Variants in SLC19A3 observed in about 807,000 individuals in gnomAD.
SLC19A3 encodes the protein solute carrier family 19 member 3, also known as thiamine transporter 2.
In SLC19A3, 31 loss-of-function variants were observed where a neutral mutation model predicts 40.2. The ratio of observed to expected loss-of-function variants is 0.77; its 90% CI spans 0.58 to 1.04. The LOEUF (loss-of-function observed/expected upper bound fraction) is 1.04. Ranked by LOEUF, SLC19A3 falls within the 50% of genes least tolerant of loss-of-function variation. The pLI, the probability that SLC19A3 is intolerant of heterozygous loss-of-function variation, is 0.00. For missense variants in SLC19A3, 592 were observed against 596.7 expected, an observed-to-expected ratio of 0.99 and a Z score of 0.08; for synonymous variants, 212 against 227.5, an observed-to-expected ratio of 0.93 and a Z score of 0.61.
chr2:227,714,539 G>C, intron 1 of SLC19A3: 1 of 984,890 alleles, frequency 1.0e-6, no homozygotes, highest in Non-Finnish European at 1.2e-6. Flanking sequence ...CCTGCTGCCC[G>C]CCACTATGAA....
intron 1 of SLC19A3, among the ~76,000 whole-genome samples, chr2:227,708,860 T>C (rs766290651): frequency 6.6e-6 from 1 of 152,158 alleles, no homozygotes; most frequent in Non-Finnish European, 1.5e-5. Context: ...GAGTTACAAA[T>C]GAAGATTGGA....
At chr2:227,692,845 G>T (rs1695285800) in intron 4 of SLC19A3, among the ~76,000 whole-genome samples, 1 of 152,088 alleles carries the variant, frequency 6.6e-6, no homozygotes, top group African/African-American at 2.4e-5. Context: ...TGATAAATAA[G>T]TTCAGTATAT....
intron 4 of SLC19A3, among the ~76,000 whole-genome samples, chr2:227,694,694 C>A (rs527915095): frequency 1.3e-5 from 2 of 152,200 alleles, no homozygotes; most frequent in South Asian, 4.1e-4. Context: ...TTAAAGAGAT[C>A]TCTGAGAAAA....
Position 227,703,733 on chromosome 2 carries a change from G to A in SLC19A3, c.-2-1413C>T, listed in dbSNP as rs1695806742. Reference sequence around the variant, plus strand: ...CTGGACAGGTGATCACTGAGGCTTGGTCATCTTCTGAAGAGTGGTCTTGCT... The same window carrying A: ...CTGGACAGGTGATCACTGAGGCTTGATCATCTTCTGAAGAGTGGTCTTGCT... On this transcript the variant is annotated intron_variant, in intron 1 of 5. Coordinates refer to ENST00000644224, the MANE Select transcript of SLC19A3 (RefSeq NM_025243.4). This position sits in a 1 kb window ranked among gnomAD's most constrained non-coding sequence, Gnocchi z 4.7. Among the ~76,000 whole-genome samples the A allele has an allele frequency of 6.6e-6, 1 of 152,082 alleles. No individual in the cohort carries two copies. Among genetic ancestry groups the A allele is most frequent in the Non-Finnish European group, 1.5e-5 (1 of 68,032 alleles).
intron 1 of SLC19A3, among the ~76,000 whole-genome samples, chr2:227,716,088 G>A (rs35231325): frequency 0.35 from 52,461 of 151,794 alleles, 10,062 homozygotes; most frequent in Middle Eastern, 0.5. Flanking sequence ...GGTGTTGTAG[G>A]GAAAAAACTG....
chr2:227,686,583 T>C lies in SLC19A3; in HGVS notation c.*814A>G, dbSNP rs1303367689. On this transcript the variant is annotated 3_prime_UTR_variant, in exon 6 of 6. Transcript: ENST00000644224. ...AAACTCCCACCTTGGCCTCCCAAAT[T>C]GCTCGGATTACAGGAGTGAGCCACT... is the stretch of plus-strand genomic sequence containing the variant. 6.6e-6 allele frequency: 1 copy of C among 152,576 alleles called. No individual in the cohort carries two copies. Among genetic ancestry groups the C allele is most frequent in the Non-Finnish European group, 1.5e-5 (1 of 68,356 alleles). 9.5% of individuals were successfully genotyped at this position (152,576 alleles called of 1,614,324 possible).
chr2:227,693,830 G>A (rs927887868), intron 4 of SLC19A3, among the ~76,000 whole-genome samples: 4 of 151,954 alleles, frequency 2.6e-5, no homozygotes, highest in Non-Finnish European at 2.9e-5. Flanking sequence ...CATGTGACAA[G>A]GGATTAAAAA....
chr2:227,715,524 C>T (rs1223555281), intron 1 of SLC19A3, among the ~76,000 whole-genome samples: 3 of 152,178 alleles, frequency 2.0e-5, no homozygotes, highest in Non-Finnish European at 4.4e-5. Flanking sequence ...CCGCACCCAG[C>T]CCAAGTGATC....
At chr2:227,709,852 A>G (rs1696079483) in intron 1 of SLC19A3, among the ~76,000 whole-genome samples, 1 of 152,126 alleles carries the variant, frequency 6.6e-6, no homozygotes, top group South Asian at 2.1e-4. Flanking sequence ...AGTAATTTGG[A>G]AGGAAATTAT....
At chr2:227,713,008 C>G (rs1198205577) in intron 1 of SLC19A3, among the ~76,000 whole-genome samples, 1 of 152,092 alleles carries the variant, frequency 6.6e-6, no homozygotes, top group East Asian at 1.9e-4. Flanking sequence ...AAACATTTGT[C>G]CAAACTCATG....
intron 5 of SLC19A3, 97 bp downstream of exon 5, chr2:227,688,069 G>A: frequency 7.5e-7 from 1 of 1,331,742 alleles, no homozygotes; most frequent in African/African-American, 1.4e-5. Context: ...TTTTTTAATT[G>A]CTTAACCAAG....
At chr2:227,687,613 C>T in intron 5 of SLC19A3, 40 bp from the exon 6 acceptor site, 1 of 1,594,890 alleles carries the variant, frequency 6.3e-7, no homozygotes. Context: ...TAAAATATGA[C>T]CATCTATGTC....
chr2:227,707,211 C>T (rs1330662463), intron 1 of SLC19A3, among the ~76,000 whole-genome samples: 2 of 152,200 alleles, frequency 1.3e-5, no homozygotes, highest in African/African-American at 4.8e-5. Flanking sequence ...TTTGAATGAG[C>T]CAACACCTTT....
chr2:227,715,320 C>A (rs970355730), intron 1 of SLC19A3, among the ~76,000 whole-genome samples: 3 of 152,094 alleles, frequency 2.0e-5, no homozygotes, highest in African/African-American at 4.8e-5. Flanking sequence ...AAACTAGACC[C>A]AGATATTCAG....
chr2:227,711,417 C>A (rs1333151592), intron 1 of SLC19A3, among the ~76,000 whole-genome samples: 1 of 76,562 alleles, frequency 1.3e-5, no homozygotes, highest in Non-Finnish European at 2.8e-5. Context: ...GAGACTCTGT[C>A]TCAAAAAAAT....
chr2:227,707,333 C>T (rs1312238942), intron 1 of SLC19A3, among the ~76,000 whole-genome samples: 2 of 152,184 alleles, frequency 1.3e-5, no homozygotes, highest in Non-Finnish European at 2.9e-5. Flanking sequence ...GCCTGTAATA[C>T]TACCACTGTG....
At chr2:227,698,489 CG>C (rs1165840685) in intron 3 of SLC19A3, among the ~76,000 whole-genome samples, 1 of 151,822 alleles carries the variant, frequency 6.6e-6, no homozygotes, top group Admixed American at 6.6e-5. Flanking sequence ...TTAGTAGAGA[CG>C]GGGTTTCACT....
At chr2:227,706,356 G>A in intron 1 of SLC19A3, 1 of 1,231,610 alleles carries the variant, frequency 8.1e-7, no homozygotes, top group Non-Finnish European at 1.0e-6. Context: ...CATTTTCTGT[G>A]TGTTCCAAAT....
At chr2:227,691,366 C>T (rs116376216) in intron 4 of SLC19A3, among the ~76,000 whole-genome samples, 4,480 of 152,100 alleles carry the variant, frequency 0.029, 232 homozygotes, top group African/African-American at 0.1. Context: ...CAGCACTCTG[C>T]GAGGCTGAGG....
Sources: allele counts gnomAD v4.1 joint callset (sites outside exome capture counted in the v4.1 genomes callset), GRCh38; gene constraint gnomAD v4.1.1; non-coding constraint Gnocchi (gnomAD v3.1); transcripts MANE v1.5; gene names NCBI Gene and HGNC (gene_info 2026-07-23, HGNC 2026-07-21).